SUGCT: variants seen among roughly 807,000 people sequenced by gnomAD.
SUGCT encodes succinyl-CoA:glutarate CoA-transferase.
In SUGCT, 41 loss-of-function variants were observed where a neutral mutation model predicts 55.0. The ratio of observed to expected loss-of-function variants is 0.74; its 90% CI spans 0.58 to 0.97. The LOEUF is 0.97. Among genes scored for constraint, SUGCT ranks in the 50% least tolerant of loss-of-function variants. The pLI is 0.00. For missense variants in SUGCT, 568 were observed against 547.8 expected, an observed-to-expected ratio of 1.04 and a Z score of -0.37; for synonymous variants, 187 against 200.4, an observed-to-expected ratio of 0.93 and a Z score of 0.56.
At chr7:40,409,579 T>G (rs945112375) in intron 9 of SUGCT, among the ~76,000 whole-genome samples, 11 of 152,286 alleles carry the variant, frequency 7.2e-5, no homozygotes, top group Non-Finnish European at 1.5e-4. Context: ...TCTTACTACC[T>G]CAGTTCAATT....
At chr7:40,228,908 T>A (rs781449259) in intron 6 of SUGCT, among the ~76,000 whole-genome samples, 1 of 152,186 alleles carries the variant, frequency 6.6e-6, no homozygotes, top group Non-Finnish European at 1.5e-5. Flanking sequence ...TGTGCTTCAA[T>A]TTATTGCAAT....
intron 12 of SUGCT, among the ~76,000 whole-genome samples, chr7:40,545,056 C>CATA (rs1170978054): frequency 6.6e-6 from 1 of 152,124 alleles, no homozygotes; most frequent in Non-Finnish European, 1.5e-5. Context: ...CTGGTATTAG[C>CATA]ATAATCATTA....
At chr7:40,871,450 G>A in the SUGCT span, among the ~76,000 whole-genome samples, 1 of 152,164 alleles carries the variant, frequency 6.6e-6, no homozygotes, top group South Asian at 2.1e-4. Context: ...TAGCAACCAA[G>A]GGAATACAAC....
intron 9 of SUGCT, among the ~76,000 whole-genome samples, chr7:40,393,645 A>G (rs1785562184): frequency 6.6e-6 from 1 of 152,080 alleles, no homozygotes. Flanking sequence ...AAGATAGAGG[A>G]GGGAGTATGA....
intron 13 of SUGCT, among the ~76,000 whole-genome samples, chr7:40,778,046 A>G (rs1789552413): frequency 6.6e-6 from 1 of 152,180 alleles, no homozygotes; most frequent in Non-Finnish European, 1.5e-5. Flanking sequence ...CCTGCTGTCT[A>G]GCTCAGCGAC....
intron 12 of SUGCT, among the ~76,000 whole-genome samples, chr7:40,706,928 G>A (rs993768793): frequency 6.6e-6 from 1 of 152,184 alleles, no homozygotes; most frequent in African/African-American, 2.4e-5. Flanking sequence ...GAGCAGTCCT[G>A]CTCCTTAAAA....
intron 1 of SUGCT, among the ~76,000 whole-genome samples, chr7:40,136,534 A>G (rs1271836225): frequency 1.3e-5 from 2 of 152,178 alleles, no homozygotes; most frequent in East Asian, 3.9e-4. Context: ...AATTCAATTC[A>G]CTACATTTCG....
the SUGCT span, among the ~76,000 whole-genome samples, chr7:40,897,038 C>T: frequency 6.6e-6 from 1 of 152,204 alleles, no homozygotes; most frequent in East Asian, 1.9e-4. Context: ...GACTAGAGAG[C>T]CCAGAATAAA....
downstream of SUGCT, among the ~76,000 whole-genome samples, chr7:40,862,681 T>C (rs997342775): frequency 1.3e-5 from 2 of 152,136 alleles, no homozygotes; most frequent in South Asian, 4.2e-4. Flanking sequence ...AGTGGGGTAA[T>C]CGTTACAGAA....
chr7:40,469,481 G>T (rs1790294707), intron 11 of SUGCT, among the ~76,000 whole-genome samples: 1 of 152,192 alleles, frequency 6.6e-6, no homozygotes, highest in Non-Finnish European at 1.5e-5. Context: ...TTTGGAGATA[G>T]ATTTAAGTGG....
intron 9 of SUGCT, among the ~76,000 whole-genome samples, chr7:40,336,913 G>T (rs1796744055): frequency 1.3e-5 from 2 of 152,174 alleles, no homozygotes; most frequent in Admixed American, 1.3e-4. Context: ...TCTACACACA[G>T]CTTTAAATGT....
At chr7:40,705,453 G>A (rs1187559062) in intron 12 of SUGCT, among the ~76,000 whole-genome samples, 1 of 151,978 alleles carries the variant, frequency 6.6e-6, no homozygotes, top group Non-Finnish European at 1.5e-5. Flanking sequence ...AATTTATTTT[G>A]GTGTTATTGA....
chr7:40,889,144 G>A, the SUGCT span, among the ~76,000 whole-genome samples: 8 of 152,222 alleles, frequency 5.3e-5, no homozygotes, highest in South Asian at 2.1e-4. Context: ...GAAGTACATC[G>A]ATGGGCTGGG....
chr7:40,337,776 T>C (rs1423768518), intron 9 of SUGCT, among the ~76,000 whole-genome samples: 1 of 152,240 alleles, frequency 6.6e-6, no homozygotes, highest in Non-Finnish European at 1.5e-5. Context: ...TATATGTGAA[T>C]TTGATCCTGT....
intron 8 of SUGCT, among the ~76,000 whole-genome samples, chr7:40,315,363 A>G (rs1250358071): frequency 6.6e-6 from 1 of 152,234 alleles, no homozygotes; most frequent in Admixed American, 6.5e-5. Context: ...GGTGATTAGC[A>G]CTAGGCGGCC....
At chr7:41,024,279 T>C in the SUGCT span, among the ~76,000 whole-genome samples, 1 of 152,052 alleles carries the variant, frequency 6.6e-6, no homozygotes. Flanking sequence ...TGTATAAGCT[T>C]GGATGGAGAA....
intron 1 of SUGCT, among the ~76,000 whole-genome samples, chr7:40,155,294 A>G (rs964862843): frequency 6.6e-6 from 1 of 152,086 alleles, no homozygotes; most frequent in Non-Finnish European, 1.5e-5. Flanking sequence ...CAAAAAAAAA[A>G]AAAATAGCAG....
At chr7:40,975,604 G>C in the SUGCT span, among the ~76,000 whole-genome samples, 1 of 152,126 alleles carries the variant, frequency 6.6e-6, no homozygotes, top group African/African-American at 2.4e-5. Flanking sequence ...CCAGATGGTG[G>C]CTTCTTTTCC....
At chr7:40,742,452 T>C (rs1260079322) in intron 12 of SUGCT, among the ~76,000 whole-genome samples, 3 of 152,142 alleles carry the variant, frequency 2.0e-5, no homozygotes, top group Non-Finnish European at 4.4e-5. Flanking sequence ...CATTTATCAT[T>C]AGATTCTCAT....
Sources: allele counts gnomAD v4.1 joint callset (sites outside exome capture counted in the v4.1 genomes callset), GRCh38; gene constraint gnomAD v4.1.1; transcripts MANE v1.5; gene names NCBI Gene and HGNC (gene_info 2026-07-23, HGNC 2026-07-21).